TMPRSS15: variants seen among roughly 807,000 people sequenced by gnomAD.
TMPRSS15 encodes the protein enteropeptidase.
Under a neutral mutation model 125.3 loss-of-function variants are expected in TMPRSS15, and 128 were observed. The observed-to-expected ratio is 1.02, with a 90% confidence interval of 0.89 to 1.18. The LOEUF (loss-of-function observed/expected upper bound fraction) is 1.18. TMPRSS15 is among the 50% of genes most tolerant of loss of function. TMPRSS15 has a pLI of 0.00. For synonymous variants in TMPRSS15, 446 were observed against 423.2 expected (o/e 1.05, Z -0.66); for missense variants, 1,283 against 1,212.7 (o/e 1.06, Z -0.86).
At chr21:18,428,141 C>T (rs1278435074) in intron 1 of TMPRSS15, among the ~76,000 whole-genome samples, 1 of 152,106 alleles carries the variant, frequency 6.6e-6, no homozygotes, top group Non-Finnish European at 1.5e-5. Flanking sequence ...AGATATGAAG[C>T]CTTTCTTTTA....
chr21:18,355,490 A>G (rs1291525198), intron 8 of TMPRSS15, among the ~76,000 whole-genome samples: 1 of 151,862 alleles, frequency 6.6e-6, no homozygotes, highest in Admixed American at 6.6e-5. Flanking sequence ...CAAAACTTTC[A>G]TAAGATAGTC....
intron 1 of TMPRSS15, among the ~76,000 whole-genome samples, chr21:18,445,217 T>C (rs2076252641): frequency 6.6e-6 from 1 of 151,954 alleles, no homozygotes; most frequent in South Asian, 2.1e-4. Context: ...TTTTTTTTTT[T>C]TTTTTGAGAC....
intron 4 of TMPRSS15, among the ~76,000 whole-genome samples, chr21:18,382,902 T>C (rs992853148): frequency 6.6e-6 from 1 of 152,176 alleles, no homozygotes; most frequent in African/African-American, 2.4e-5. Context: ...TTTTTTATTA[T>C]TTTTGATGTT....
intron 21 of TMPRSS15, among the ~76,000 whole-genome samples, chr21:18,281,825 C>A (rs1327294827): frequency 6.6e-6 from 1 of 152,014 alleles, no homozygotes; most frequent in African/African-American, 2.4e-5. Flanking sequence ...AAGCCAGGCG[C>A]GGTGGCTCAC....
chr21:18,463,645 C>A (rs999297513), intron 1 of TMPRSS15, among the ~76,000 whole-genome samples: 1 of 152,112 alleles, frequency 6.6e-6, no homozygotes, highest in South Asian at 2.1e-4. Context: ...ACAAAATATA[C>A]ATTCCTCTCA....
At chr21:18,270,694 A>ATGT (rs2074544698) in intron 24 of TMPRSS15, among the ~76,000 whole-genome samples, 2 of 152,192 alleles carry the variant, frequency 1.3e-5, no homozygotes, top group Non-Finnish European at 2.9e-5. Flanking sequence ...ATAATTGCTC[A>ATGT]TGTTTTCATC....
At chr21:18,374,811 G>A (rs555663828) in intron 5 of TMPRSS15, among the ~76,000 whole-genome samples, 1 of 152,256 alleles carries the variant, frequency 6.6e-6, no homozygotes, top group African/African-American at 2.4e-5. Context: ...CACAATGGCA[G>A]AGGAGATGGG....
At chr21:18,442,974 T>C (rs564334813) in intron 1 of TMPRSS15, among the ~76,000 whole-genome samples, 1 of 152,178 alleles carries the variant, frequency 6.6e-6, no homozygotes, top group Non-Finnish European at 1.5e-5. Context: ...GGTGATGGGA[T>C]GTAGGTTAAT....
intron 1 of TMPRSS15, among the ~76,000 whole-genome samples, chr21:18,463,392 AGTAG>A (rs1324251414): frequency 6.6e-6 from 1 of 152,090 alleles, no homozygotes; most frequent in Admixed American, 6.6e-5. Flanking sequence ...CAATGCATCA[AGTAG>A]AGCTAACTAT....
chr21:18,343,243 T>G (rs2075467100), intron 12 of TMPRSS15, among the ~76,000 whole-genome samples: 2 of 152,206 alleles, frequency 1.3e-5, no homozygotes, highest in South Asian at 2.1e-4. Flanking sequence ...AGCTGAAATA[T>G]TCTAAAAGAC....
At chr21:18,474,287 A>T (rs542638580) in intron 1 of TMPRSS15, among the ~76,000 whole-genome samples, 6 of 150,002 alleles carry the variant, frequency 4.0e-5, no homozygotes, top group Non-Finnish European at 5.9e-5. Flanking sequence ...AAAGATATAC[A>T]TTTTGCTATT....
At chr21:18,327,743 G>A (rs1163881749) in intron 15 of TMPRSS15, among the ~76,000 whole-genome samples, 1 of 152,078 alleles carries the variant, frequency 6.6e-6, no homozygotes, top group Non-Finnish European at 1.5e-5. Context: ...TTGTGTGTGG[G>A]AGGGCGATAA....
chr21:18,429,141 G>C (rs2076210840), intron 1 of TMPRSS15, among the ~76,000 whole-genome samples: 1 of 152,148 alleles, frequency 6.6e-6, no homozygotes, highest in Admixed American at 6.5e-5. Context: ...AGACTAGCAT[G>C]GGCCCCCTAA....
At chr21:18,366,181 A>G (rs1328565317) in intron 6 of TMPRSS15, among the ~76,000 whole-genome samples, 1 of 152,176 alleles carries the variant, frequency 6.6e-6, no homozygotes, top group Non-Finnish European at 1.5e-5. Flanking sequence ...TTATAATTAA[A>G]TTGGAGCTAG....
intron 1 of TMPRSS15, among the ~76,000 whole-genome samples, chr21:18,478,115 G>A (rs1286942022): frequency 6.6e-6 from 1 of 152,030 alleles, no homozygotes; most frequent in African/African-American, 2.4e-5. Context: ...TTATGGAAAG[G>A]CAAATGATGT....
intron 1 of TMPRSS15, among the ~76,000 whole-genome samples, chr21:18,447,482 T>C (rs1469952980): frequency 2.1e-5 from 3 of 144,404 alleles, no homozygotes; most frequent in East Asian, 2.0e-4. Context: ...CAAACAAGTA[T>C]ATTAAAAATG....
intron 21 of TMPRSS15, among the ~76,000 whole-genome samples, chr21:18,281,993 G>T (rs2074704925): frequency 6.6e-6 from 1 of 151,242 alleles, no homozygotes; most frequent in South Asian, 2.1e-4. Context: ...GCTACTTCGG[G>T]GGGCAGAGGC....
At chr21:18,462,574 T>C (rs2122953302) in intron 1 of TMPRSS15, among the ~76,000 whole-genome samples, 55 of 152,100 alleles carry the variant, frequency 3.6e-4, no homozygotes, top group Non-Finnish European at 5.7e-4. Flanking sequence ...AATAAAACTT[T>C]TGAAACATTT....
chr21:18,348,891 T>A (rs1223791390), intron 10 of TMPRSS15, among the ~76,000 whole-genome samples: 1 of 152,178 alleles, frequency 6.6e-6, no homozygotes, highest in Non-Finnish European at 1.5e-5. Flanking sequence ...TTTCAGAGTT[T>A]TTTTCTAAAC....
Sources: allele counts gnomAD v4.1 joint callset (sites outside exome capture counted in the v4.1 genomes callset), GRCh38; gene constraint gnomAD v4.1.1; transcripts MANE v1.5; gene names NCBI Gene and HGNC (gene_info 2026-07-23, HGNC 2026-07-21).